Variants in PARN observed in about 807,000 individuals in gnomAD.
PARN encodes the protein poly(A)-specific ribonuclease PARN.
In PARN, 71 loss-of-function variants were observed where a neutral mutation model predicts 102.8. The ratio of observed to expected loss-of-function variants is 0.69; its 90% CI spans 0.57 to 0.84. The LOEUF (loss-of-function observed/expected upper bound fraction) is 0.84. Among genes scored for constraint, PARN ranks in the 40% least tolerant of loss-of-function variants. The pLI is 0.00. For missense variants in PARN, 782 were observed against 760.9 expected (o/e 1.03, Z -0.33); for synonymous variants, 261 against 252.9 (o/e 1.03, Z -0.30).
At chr16:14,562,620 C>A (rs1968143794) in intron 18 of PARN, among the ~76,000 whole-genome samples, 1 of 150,784 alleles carries the variant, frequency 6.6e-6, no homozygotes. Flanking sequence ...TTACTGCTGA[C>A]AGCTACCACT....
chr16:14,440,989 T>G lies in PARN; in HGVS notation c.1865-4217A>C, dbSNP rs970107703. On this transcript the variant is annotated intron_variant, in intron 23 of 23. Coordinates refer to ENST00000437198, the MANE Select transcript of PARN (RefSeq NM_002582.4). ...CATCAAATTGTATACCTGAAAGTGATGACTTTCATTGGGTACAATTATATC... is the reference window on the plus strand; with the variant it reads ...CATCAAATTGTATACCTGAAAGTGAGGACTTTCATTGGGTACAATTATATC... Among the ~76,000 whole-genome samples, 3 of 152,202 alleles carry G rather than the reference T, an allele frequency of 2.0e-5. No individual in the cohort carries two copies. The South Asian group carries it at 6.2e-4, about 31-fold the overall frequency.
At chr16:14,509,971 C>T (rs1441955409) in intron 21 of PARN, among the ~76,000 whole-genome samples, 6 of 152,246 alleles carry the variant, frequency 3.9e-5, no homozygotes, top group South Asian at 2.1e-4. Flanking sequence ...AATTATCTTT[C>T]GGTGGAGAGG....
chr16:14,491,954 G>A (rs949603977), intron 21 of PARN, among the ~76,000 whole-genome samples: 8 of 152,180 alleles, frequency 5.3e-5, no homozygotes, highest in Non-Finnish European at 1.2e-4. Context: ...AAAGTGCCTG[G>A]ACTGGAAACT....
chr16:14,512,510 C>T (rs974812133), intron 21 of PARN, among the ~76,000 whole-genome samples: 3 of 152,080 alleles, frequency 2.0e-5, no homozygotes, highest in East Asian at 3.9e-4. Context: ...AAAAAATCAT[C>T]TCACCCAACC....
chr16:14,589,416 T>C (rs1221619710), intron 13 of PARN, among the ~76,000 whole-genome samples: 1 of 151,520 alleles, frequency 6.6e-6, no homozygotes, highest in Non-Finnish European at 1.5e-5. Flanking sequence ...TTCAAAACAA[T>C]TAGTGAGGCA....
chr16:14,552,877 G>T (rs935570460), intron 20 of PARN, among the ~76,000 whole-genome samples: 1 of 152,056 alleles, frequency 6.6e-6, no homozygotes, highest in Non-Finnish European at 1.5e-5. Context: ...GAACCTGGGA[G>T]GCGGAGGTTG....
intron 5 of PARN, among the ~76,000 whole-genome samples, chr16:14,625,012 T>C (rs1972556519): frequency 6.6e-6 from 1 of 151,246 alleles, no homozygotes; most frequent in African/African-American, 2.4e-5. Flanking sequence ...AAACTCCATC[T>C]CAAAAAAAAA....
chr16:14,610,957 G>A, intron 6 of PARN, 148 bp from the exon 7 acceptor site: 2 of 620,408 alleles, frequency 3.2e-6, no homozygotes, highest in Non-Finnish European at 5.7e-6. Flanking sequence ...AAATGATTTT[G>A]AAATGTGTTT....
Position 14,436,526 on chromosome 16 carries a change from G to A in PARN, c.*191C>T. 2 of 604,968 alleles carry A rather than the reference G, an allele frequency of 3.3e-6. No homozygotes were observed. The highest frequency in any genetic ancestry group is 2.9e-6 in the Non-Finnish European group (1 of 339,404). 37.5% of individuals were successfully genotyped at this position (604,968 alleles called of 1,614,324 possible). ...TGATGAGTGTCAATGTCAACAGGCA[G>A]TTAGATTAAAAAGGGGAAAAAACCA... is the stretch of plus-strand genomic sequence containing the variant. On this transcript the variant is annotated 3_prime_UTR_variant, in exon 24 of 24. Transcript: ENST00000437198.
At chr16:14,571,970 A>T (rs1338369402) in intron 18 of PARN, among the ~76,000 whole-genome samples, 1 of 152,228 alleles carries the variant, frequency 6.6e-6, no homozygotes, top group African/African-American at 2.4e-5. Context: ...AATGGAAATG[A>T]ATCCTATGGA....
At chr16:14,531,370 A>AC (rs1966320805) in intron 21 of PARN, among the ~76,000 whole-genome samples, 1 of 152,072 alleles carries the variant, frequency 6.6e-6, no homozygotes, top group Non-Finnish European at 1.5e-5. Context: ...TCAAAAAAAA[A>AC]AAACAGATGA....
At chr16:14,501,886 T>C (rs1183172636) in intron 21 of PARN, among the ~76,000 whole-genome samples, 4 of 152,286 alleles carry the variant, frequency 2.6e-5, no homozygotes, top group South Asian at 4.1e-4. Flanking sequence ...CAAGCCAGAG[T>C]GCAGGCATAA....
At chr16:14,558,730 A>C (rs16963780) in intron 18 of PARN, among the ~76,000 whole-genome samples, 6,483 of 152,268 alleles carry the variant, frequency 0.043, 150 homozygotes, top group African/African-American at 0.052. Context: ...TATAATTCTA[A>C]GTTTTAAAAA....
chr16:14,521,669 A>G (rs1408854174), intron 21 of PARN, among the ~76,000 whole-genome samples: 1 of 152,044 alleles, frequency 6.6e-6, no homozygotes, highest in Non-Finnish European at 1.5e-5. Context: ...GTAGTGGTAC[A>G]TGCCTGTAAT....
intron 21 of PARN, among the ~76,000 whole-genome samples, chr16:14,512,236 T>A (rs189443756): frequency 2.0e-5 from 3 of 152,300 alleles, no homozygotes; most frequent in Non-Finnish European, 4.4e-5. Flanking sequence ...GCGTGGTAGT[T>A]CACGCCTGTA....
chr16:14,499,239 G>A (rs187709175), intron 21 of PARN, among the ~76,000 whole-genome samples: 26 of 152,330 alleles, frequency 1.7e-4, no homozygotes, highest in Non-Finnish European at 4.4e-5. Flanking sequence ...AGGTTAGGCT[G>A]CTAGGAGAGG....
intron 6 of PARN, among the ~76,000 whole-genome samples, chr16:14,612,891 C>T (rs1371202510): frequency 6.6e-6 from 1 of 151,678 alleles, no homozygotes; most frequent in Non-Finnish European, 1.5e-5. Context: ...GCCACCGCGC[C>T]CTACCACGGA....
At chr16:14,583,053 A>T (rs901948279) in intron 16 of PARN, among the ~76,000 whole-genome samples, 15 of 152,178 alleles carry the variant, frequency 9.9e-5, no homozygotes, top group Admixed American at 7.9e-4. Flanking sequence ...CAACTCCAAA[A>T]ATAAATCGAA....
chr16:14,593,260 G>A (rs761231224), intron 13 of PARN, 41 bp downstream of exon 13: 23 of 1,047,410 alleles, frequency 2.2e-5, no homozygotes, highest in Middle Eastern at 4.0e-4. Context: ...CAGATAAAAA[G>A]AATCCTGCTA....
Sources: allele counts gnomAD v4.1 joint callset (sites outside exome capture counted in the v4.1 genomes callset), GRCh38; gene constraint gnomAD v4.1.1; transcripts MANE v1.5; gene names NCBI Gene and HGNC (gene_info 2026-07-23, HGNC 2026-07-21).